VPS13B: variants seen among roughly 807,000 people sequenced by gnomAD.
VPS13B encodes the protein intermembrane lipid transfer protein VPS13B.
VPS13B carries 285 observed loss-of-function variants against 426.4 expected under a neutral mutation model. The ratio of observed to expected loss-of-function variants is 0.67; its 90% CI spans 0.61 to 0.74. VPS13B has a LOEUF of 0.74. Ranked by LOEUF, VPS13B falls within the 30% of genes least tolerant of loss-of-function variation. VPS13B has a pLI of 0.00. For synonymous variants in VPS13B, 1,676 were observed against 1,676.4 expected (o/e 1.00, Z 0.01); for missense variants, 4,537 against 4,782.6 (o/e 0.95, Z 1.51).
intron 34 of VPS13B, among the ~76,000 whole-genome samples, chr8:99,646,611 G>A (rs1038163478): frequency 6.6e-6 from 1 of 152,142 alleles, no homozygotes; most frequent in Admixed American, 6.5e-5. Context: ...ATGATTGTAT[G>A]ATTTGGTTTG....
chr8:99,612,287 A>T (rs1444314049), intron 33 of VPS13B, among the ~76,000 whole-genome samples: 1 of 152,168 alleles, frequency 6.6e-6, no homozygotes, highest in South Asian at 2.1e-4. Flanking sequence ...AGCATCACAG[A>T]TCCCTGTGGG....
intron 39 of VPS13B, among the ~76,000 whole-genome samples, chr8:99,757,143 C>A (rs1308810842): frequency 6.6e-6 from 1 of 152,156 alleles, no homozygotes; most frequent in Non-Finnish European, 1.5e-5. Flanking sequence ...TGTTCTTCTG[C>A]TATAATTACC....
intron 21 of VPS13B, among the ~76,000 whole-genome samples, chr8:99,430,753 T>A (rs1308464494): frequency 6.7e-6 from 1 of 149,340 alleles, no homozygotes; most frequent in Non-Finnish European, 1.5e-5. Context: ...TCTCACTCTG[T>A]TGCCCAGGCT....
chr8:99,322,195 T>C (rs577827242), intron 19 of VPS13B, among the ~76,000 whole-genome samples: 1 of 152,342 alleles, frequency 6.6e-6, no homozygotes, highest in African/African-American at 2.4e-5. Context: ...GACTGCTGTT[T>C]ACTAATAGTT....
chr8:99,274,176 A>G, intron 17 of VPS13B, 22 bp from the exon 18 acceptor site: 2 of 1,614,024 alleles, frequency 1.2e-6, no homozygotes, highest in Non-Finnish European at 1.7e-6. Flanking sequence ...CGGCTAGTAC[A>G]TTTGCAGTTT....
intron 19 of VPS13B, among the ~76,000 whole-genome samples, chr8:99,308,970 A>G (rs1820799827): frequency 6.6e-6 from 1 of 152,170 alleles, no homozygotes; most frequent in Non-Finnish European, 1.5e-5. Flanking sequence ...TGGGCTGCAT[A>G]CGTGTCTTCT....
chr8:99,511,076 G>A (rs764553536), intron 28 of VPS13B, 28 bp from the exon 29 acceptor site: 12 of 1,609,118 alleles, frequency 7.5e-6, no homozygotes, highest in Non-Finnish European at 1.0e-5. Context: ...AATGAACTGT[G>A]TATTGTGATT....
At chr8:99,505,248 C>G (rs918941974) in intron 27 of VPS13B, among the ~76,000 whole-genome samples, 4 of 152,216 alleles carry the variant, frequency 2.6e-5, no homozygotes, top group African/African-American at 9.6e-5. Context: ...TTCTCTGGAG[C>G]AGCACTTTCA....
chr8:99,160,046 C>T (rs1015917889), intron 15 of VPS13B, among the ~76,000 whole-genome samples: 3 of 151,770 alleles, frequency 2.0e-5, no homozygotes, highest in African/African-American at 7.3e-5. Flanking sequence ...TAAGTGTATA[C>T]ATAACTTTTA....
At chr8:99,087,166 C>G (rs1432359188) in intron 3 of VPS13B, among the ~76,000 whole-genome samples, 5 of 152,188 alleles carry the variant, frequency 3.3e-5, no homozygotes, top group Admixed American at 6.5e-5. Context: ...CGGGCGCCCC[C>G]TCCCCCAGCC....
In VPS13B at chr8:99,835,244, C is replaced by T; in HGVS notation, c.9662C>T (p.Thr3221Ile). ...GAACACCTCGGAGTGACTTATTTAA[C>T]CCTCTCAGAAGACCCTAGTCCTCGA... ...YQEHLGVTYL[T>I]LSEDPSPRVI... is the part of the protein sequence containing the mutation. The change falls in exon 53 of 62, where the codon ACC becomes ATC. Residue 3221 changes from threonine (T) to isoleucine (I), a missense_variant. Thr to Ile is a moderately conservative substitution (Grantham distance 89). Coordinates refer to ENST00000357162, the MANE Select transcript of VPS13B (RefSeq NM_152564.5). 1 of 1,613,928 alleles carries T rather than the reference C, an allele frequency of 6.2e-7. No individual in the cohort carries two copies. Among genetic ancestry groups the T allele is most frequent in the Non-Finnish European group, 8.5e-7 (1 of 1,179,938 alleles).
At chr8:99,687,776 T>C (rs1023927959) in intron 35 of VPS13B, among the ~76,000 whole-genome samples, 1 of 152,140 alleles carries the variant, frequency 6.6e-6, no homozygotes, top group Non-Finnish European at 1.5e-5. Flanking sequence ...CTTTCAGTGA[T>C]ACAAAGTTAA....
intron 17 of VPS13B, among the ~76,000 whole-genome samples, chr8:99,222,302 C>T (rs1369102849): frequency 8.5e-5 from 13 of 152,162 alleles, no homozygotes; most frequent in Non-Finnish European, 1.5e-5. Context: ...CCCAGTTCAC[C>T]CCCAATATTG....
chr8:99,141,835 G>A (rs544499157), intron 12 of VPS13B, among the ~76,000 whole-genome samples: 1 of 150,554 alleles, frequency 6.6e-6, no homozygotes, highest in Admixed American at 6.6e-5. Context: ...ATGAGGGCAG[G>A]AGATTGAGAC....
intron 19 of VPS13B, among the ~76,000 whole-genome samples, chr8:99,312,947 C>T (rs1265385177): frequency 1.3e-5 from 2 of 152,156 alleles, no homozygotes; most frequent in Non-Finnish European, 2.9e-5. Flanking sequence ...CCCTTTCTTC[C>T]AGTTGATCGA....
chr8:99,448,490 A>G (rs1240666728), intron 23 of VPS13B, among the ~76,000 whole-genome samples: 1 of 152,176 alleles, frequency 6.6e-6, no homozygotes, highest in East Asian at 1.9e-4. Flanking sequence ...TGGTGTTTAT[A>G]AAAATATTAT....
At chr8:99,183,949 A>G (rs1309054737) in intron 16 of VPS13B, among the ~76,000 whole-genome samples, 1 of 152,220 alleles carries the variant, frequency 6.6e-6, no homozygotes, top group African/African-American at 2.4e-5. Flanking sequence ...TACTTTCTGT[A>G]TCTCTAGAAA....
At chr8:99,439,430 G>A (rs1046232696) in intron 22 of VPS13B, among the ~76,000 whole-genome samples, 1 of 151,996 alleles carries the variant, frequency 6.6e-6, no homozygotes, top group African/African-American at 2.4e-5. Context: ...CTGTATTCCT[G>A]ACTTCCAGGT....
At chr8:99,416,995 G>T (rs1044345242) in intron 21 of VPS13B, among the ~76,000 whole-genome samples, 3 of 152,260 alleles carry the variant, frequency 2.0e-5, no homozygotes, top group Admixed American at 6.5e-5. Flanking sequence ...CAGGGATTGT[G>T]TCATATTTTT....
Sources: gnomAD v4.1 joint callset for allele counts (sites outside exome capture counted in the v4.1 genomes callset) on GRCh38, gnomAD v4.1.1 for gene constraint, MANE v1.5 for transcripts, NCBI Gene and HGNC (gene_info 2026-07-23, HGNC 2026-07-21) for gene names.